The following PPIL2 variants were observed in gnomAD, a reference collection of about 807,000 sequenced individuals.
PPIL2 encodes RING-type E3 ubiquitin-protein ligase PPIL2.
A neutral mutation model predicts 75.2 loss-of-function variants in PPIL2; 50 were observed. The observed-to-expected ratio is 0.66, with a 90% CI of 0.53 to 0.84. PPIL2 has a LOEUF of 0.84. Among genes scored for constraint, PPIL2 ranks in the 40% least tolerant of loss-of-function variants. The probability of loss-of-function intolerance (pLI) is 0.00; values close to 1 mark genes in which losing one functional copy is unlikely to be tolerated. For missense variants in PPIL2, 590 were observed against 685.0 expected, an observed-to-expected ratio of 0.86 and a Z score of 1.55; for synonymous variants, 245 against 258.8, an observed-to-expected ratio of 0.95 and a Z score of 0.51.
At chr22:21,666,733 C>T (rs1266706974) in intron 1 of PPIL2, among the ~76,000 whole-genome samples, 2 of 152,088 alleles carry the variant, frequency 1.3e-5, no homozygotes, top group Non-Finnish European at 2.9e-5. Flanking sequence ...CGCTTGAACC[C>T]GGGAGGCGGA....
Position 21,696,493 on chromosome 22 carries a change from G to A in PPIL2, c.*1003G>A. On this transcript the variant is annotated 3_prime_UTR_variant, in exon 20 of 20. Transcript: ENST00000398831. Reference sequence around the variant, plus strand: ...TGGCCTTGGGCCAGCTGCATCAGCAGCCCTTAAAGAAAGACCCCTCCCTCA... The same window carrying A: ...TGGCCTTGGGCCAGCTGCATCAGCAACCCTTAAAGAAAGACCCCTCCCTCA... 1 of 1,252,456 alleles carries A rather than the reference G, an allele frequency of 8.0e-7. No homozygotes were observed. The highest frequency in any genetic ancestry group is 3.4e-4 in the Middle Eastern group (1 of 2,942). 77.6% of individuals were successfully genotyped at this position (1,252,456 alleles called of 1,614,324 possible). A position where few individuals can be genotyped will look rare whatever the true frequency, so the allele number is the denominator to read the frequency against.
Position 21,696,285 on chromosome 22 carries a change from C to A in PPIL2, c.*795C>A. 1 of 1,037,954 alleles carries A rather than the reference C, an allele frequency of 9.6e-7. No homozygotes were observed. The highest frequency in any genetic ancestry group is 1.2e-6 in the Non-Finnish European group (1 of 861,574). The allele number at this position is 1,037,954 out of a possible 1,614,324, so 64.3% of individuals were successfully genotyped here. A position where few individuals can be genotyped will look rare whatever the true frequency, so the allele number is the denominator to read the frequency against. ...CACCTGGGCTTCATCTCAAGCCTGC[C>A]TGGCGTCTCTGTGCCCCTGTGAGAA... is the stretch of plus-strand genomic sequence containing the variant. On this transcript the variant is annotated 3_prime_UTR_variant, in exon 20 of 20. Coordinates refer to ENST00000398831, the MANE Select transcript of PPIL2 (RefSeq NM_014337.4).
intron 14 of PPIL2, 66 bp downstream of exon 14, chr22:21,688,172 T>C: frequency 6.3e-7 from 1 of 1,595,480 alleles, no homozygotes; most frequent in Non-Finnish European, 8.6e-7. Flanking sequence ...AGGGGGTAGC[T>C]GGGCAGGGGT....
In PPIL2 at chr22:21,696,616, C is replaced by G. The variant is rs189037948; in HGVS notation, c.*1126C>G. 4.7e-6 allele frequency: 7 copies of G among 1,493,494 alleles called. No individual in the cohort carries two copies. In the East Asian group the frequency reaches 1.7e-4, roughly 37 times the overall value. 92.5% of individuals were successfully genotyped at this position (1,493,494 alleles called of 1,614,324 possible). On this transcript the variant is annotated 3_prime_UTR_variant, in exon 20 of 20. Transcript: ENST00000398831. ...TTCTCATGTCATGGACTCTCCTTGC[C>G]TGACACTTGCCTCTTGGGCTCCCTG... is the stretch of plus-strand genomic sequence containing the variant.
At chr22:21,676,604 C>T (rs1187715042) in intron 6 of PPIL2, among the ~76,000 whole-genome samples, 1 of 151,858 alleles carries the variant, frequency 6.6e-6, no homozygotes, top group Non-Finnish European at 1.5e-5. Flanking sequence ...TTTAACAAAG[C>T]ACATCTTGCA....
intron 3 of PPIL2, 36 bp from the exon 4 acceptor site, chr22:21,670,961 C>A: frequency 6.4e-7 from 1 of 1,553,368 alleles, no homozygotes; most frequent in Non-Finnish European, 8.9e-7. Context: ...GACCAGGGTG[C>A]GTGGCAACTC....
intron 15 of PPIL2, among the ~76,000 whole-genome samples, chr22:21,692,713 C>T (rs1048987038): frequency 2.6e-5 from 4 of 151,358 alleles, no homozygotes; most frequent in African/African-American, 9.7e-5. Context: ...ATCACAAGGT[C>T]AAGAGATTGA....
At chr22:21,690,598 G>A (rs1331395802) in intron 15 of PPIL2, among the ~76,000 whole-genome samples, 1 of 152,130 alleles carries the variant, frequency 6.6e-6, no homozygotes, top group African/African-American at 2.4e-5. Flanking sequence ...TCTTTGAAGG[G>A]TTTGTCTGTT....
Position 21,676,653 on chromosome 22 carries a change from A to G in PPIL2, c.295+1538A>G, listed in dbSNP as rs1601527971. ...ATTTAACCCTGAGTGAACACCGCAC[A>G]TGTTTCAGAGAGCACAGGGTTGGGG... On this transcript the variant is annotated intron_variant, in intron 6 of 19. Coordinates refer to ENST00000398831, the MANE Select transcript of PPIL2 (RefSeq NM_014337.4). Among the ~76,000 whole-genome samples, 3 of 152,218 alleles carry G rather than the reference A, an allele frequency of 2.0e-5. 1 individual carries two copies. The highest frequency in any genetic ancestry group is 4.2e-4 in the South Asian group (2 of 4,812).
At chr22:21,693,930 C>T in intron 16 of PPIL2, 58 bp downstream of exon 16, 1 of 1,493,590 alleles carries the variant, frequency 6.7e-7, no homozygotes, top group South Asian at 1.1e-5. Flanking sequence ...GGTTCCTTCC[C>T]CACCTGAGGC....
Position 21,694,713 on chromosome 22 carries a change from AGG to A in PPIL2, c.1270-38_1270-37del, listed in dbSNP as rs772435001. The A allele has an allele frequency of 2.9e-5, 47 of 1,612,366 alleles. No homozygotes were observed. The South Asian group carries it at 5.1e-4, about 17-fold the overall frequency. On this transcript the variant is annotated intron_variant, in intron 17 of 19. Coordinates refer to ENST00000398831, the MANE Select transcript of PPIL2 (RefSeq NM_014337.4). ...CGTGGCGGCTGGGGGCCAGGCAGGC[AGG>A]GGGAGGACCTGCCGTGCACTGAGCC...
At position 21,697,065 on chromosome 22, in the gene PPIL2, G is replaced by A; in HGVS notation, c.*1575G>A. 6.9e-7 allele frequency: 1 copy of A among 1,443,766 alleles called. No homozygotes were observed. The highest frequency in any genetic ancestry group is 9.3e-7 in the Non-Finnish European group (1 of 1,070,392). 89.4% of individuals were successfully genotyped at this position (1,443,766 alleles called of 1,614,324 possible). On this transcript the variant is annotated 3_prime_UTR_variant, in exon 20 of 20. Transcript: ENST00000398831. ...CCATTGGTCGGGCCCCTGGGCTCTA[G>A]AGTGACTTTTGACGCCCTCCATCCC...
intron 12 of PPIL2, among the ~76,000 whole-genome samples, chr22:21,687,318 A>C (rs1156507841): frequency 1.3e-5 from 2 of 152,128 alleles, no homozygotes; most frequent in Non-Finnish European, 2.9e-5. Context: ...ATCCGTGCCC[A>C]GTGTGGCTGG....
intron 7 of PPIL2, among the ~76,000 whole-genome samples, chr22:21,681,601 C>G (rs1457496048): frequency 6.6e-6 from 1 of 152,220 alleles, no homozygotes; most frequent in Non-Finnish European, 1.5e-5. Flanking sequence ...GAGGTGCATC[C>G]TTCGGAATCC....
chr22:21,688,184 G>T, intron 14 of PPIL2, 78 bp downstream of exon 14: 1 of 1,554,434 alleles, frequency 6.4e-7, no homozygotes, highest in Non-Finnish European at 8.9e-7. Flanking sequence ...GGCAGGGGTT[G>T]TGCACAGCTC....
At chr22:21,698,595 C>T (rs1207104814), downstream of PPIL2, 1 of 152,374 alleles carries the variant, frequency 6.6e-6, no homozygotes, top group Non-Finnish European at 1.5e-5. Flanking sequence ...GGAATGAAGA[C>T]TCACTCAAAG....
intron 9 of PPIL2, among the ~76,000 whole-genome samples, chr22:21,683,613 G>C (rs1161110988): frequency 6.6e-6 from 1 of 152,222 alleles, no homozygotes; most frequent in African/African-American, 2.4e-5. Context: ...GAGGTCACTC[G>C]GCCTTGTGCT....
chr22:21,686,520 C>T lies in PPIL2; in HGVS notation c.752C>T (p.Thr251Ile). The T allele has an allele frequency of 6.2e-7, 1 of 1,614,194 alleles. No individual in the cohort carries two copies. The highest frequency in any genetic ancestry group is 8.5e-7 in the Non-Finnish European group (1 of 1,180,016). The change falls in exon 11 of 20, where the codon ACC becomes ATC. Residue 251 changes from threonine to isoleucine, a missense_variant. Thr to Ile is a moderately conservative substitution (Grantham distance 89). Coordinates refer to ENST00000398831, the MANE Select transcript of PPIL2 (RefSeq NM_014337.4). The stretch of plus-strand genomic sequence containing the variant: ...ACAGGGAAGGTCAGCGCTTCCTTCA[C>T]CTCCACCGCGATGGTCCCGGAGACC... ...YSTGKVSASFTSTAMVPETTH... is the reference protein window; with the variant it reads ...YSTGKVSASFISTAMVPETTH...
At chr22:21,666,399 C>T (rs372798119) in intron 1 of PPIL2, among the ~76,000 whole-genome samples, 1 of 152,220 alleles carries the variant, frequency 6.6e-6, no homozygotes, top group Non-Finnish European at 1.5e-5. Flanking sequence ...GACCGTCCCC[C>T]GTCTGTTCGC....
Sources: allele counts gnomAD v4.1 joint callset (sites outside exome capture counted in the v4.1 genomes callset), GRCh38; gene constraint gnomAD v4.1.1; transcripts MANE v1.5; gene names NCBI Gene and HGNC (gene_info 2026-07-23, HGNC 2026-07-21).